Variants in DEXI observed in about 807,000 individuals in gnomAD.
DEXI encodes the protein dexamethasone-induced protein.
Under a neutral mutation model 2.5 loss-of-function variants are expected in DEXI, and 2 were observed. The ratio of observed to expected loss-of-function variants is 0.81; its 90% CI spans 0.33 to 2.55. The LOEUF (loss-of-function observed/expected upper bound fraction) is 2.55. DEXI is among the 30% of genes most tolerant of loss of function. The probability of loss-of-function intolerance (pLI) is 0.11; values close to 1 mark genes in which losing one functional copy is unlikely to be tolerated. For synonymous variants in DEXI, 71 were observed against 68.7 expected, an observed-to-expected ratio of 1.03 and a Z score of -0.17; for missense variants, 108 against 130.3, an observed-to-expected ratio of 0.83 and a Z score of 0.83.
chr16:10,931,427 T>C (rs2040788061), intron 1 of DEXI: 1 of 151,916 alleles, frequency 6.6e-6, no homozygotes, highest in Non-Finnish European at 1.5e-5. Flanking sequence ...TGCCCTCTTG[T>C]GTGCAGATCT....
At position 10,938,277 on chromosome 16, in the gene DEXI, C is replaced by T. The variant is rs1319908305; in HGVS notation, c.*149+3292G>A. 1 of 151,906 alleles carries T rather than the reference C, an allele frequency of 6.6e-6. No individual in the cohort carries two copies. 9.4% of individuals were successfully genotyped at this position (151,906 alleles called of 1,614,324 possible). ...CTACCCTGGGATGTGAACCCAGGGC[C>T]CTGGCTCTTAACCATGACCCTAATA... is the stretch of plus-strand genomic sequence containing the variant. On this transcript the variant is annotated intron_variant, in intron 1 of 1. Coordinates refer to ENST00000331808, the MANE Select transcript of DEXI (RefSeq NM_014015.4). This position sits in a 1 kb window ranked among gnomAD's most constrained non-coding sequence, Gnocchi z 4.9.
In DEXI at chr16:10,941,268, A is replaced by G. The variant is rs2041098790; in HGVS notation, c.*149+301T>C. On this transcript the variant is annotated intron_variant, in intron 1 of 1. Coordinates refer to ENST00000331808, the MANE Select transcript of DEXI (RefSeq NM_014015.4). This position sits in a 1 kb window ranked among gnomAD's most constrained non-coding sequence, Gnocchi z 6.4. ...GGAGGAGCTGACAGCTCTGCCTCAAATGGATTTGGGAGCGAAGGCTTTTTC... is the reference window on the plus strand; with the variant it reads ...GGAGGAGCTGACAGCTCTGCCTCAAGTGGATTTGGGAGCGAAGGCTTTTTC... 6.3e-6 allele frequency: 1 copy of G among 157,850 alleles called. No individual in the cohort carries two copies. Among genetic ancestry groups the G allele is most frequent in the Non-Finnish European group, 1.4e-5 (1 of 71,658 alleles). The allele number at this position is 157,850 out of a possible 1,614,324, so 9.8% of individuals were successfully genotyped here. A position where few individuals can be genotyped will look rare whatever the true frequency, so the allele number is the denominator to read the frequency against.
chr16:10,936,044 G>A (rs1216466814), intron 1 of DEXI: 2 of 151,160 alleles, frequency 1.3e-5, no homozygotes, highest in Non-Finnish European at 2.9e-5. Flanking sequence ...AGGCTGGAGT[G>A]CAGTGGTGGA....
In DEXI at chr16:10,938,168, A is replaced by G. The variant is rs923910094; in HGVS notation, c.*149+3401T>C. The G allele has an allele frequency of 6.6e-6, 1 of 152,178 alleles. No homozygotes were observed. The highest frequency in any genetic ancestry group is 6.5e-5 in the Admixed American group (1 of 15,292). The allele number at this position is 152,178 out of a possible 1,614,324, so 9.4% of individuals were successfully genotyped here. A position where few individuals can be genotyped will look rare whatever the true frequency, so the allele number is the denominator to read the frequency against. Reference sequence around the variant, plus strand: ...TATGTATATCTCACCTAATCCTCACAACAAGGGAGATTTTCATTATTTCCA... The same window carrying G: ...TATGTATATCTCACCTAATCCTCACGACAAGGGAGATTTTCATTATTTCCA... On this transcript the variant is annotated intron_variant, in intron 1 of 1. Transcript: ENST00000331808. This position sits in a 1 kb window ranked among gnomAD's most constrained non-coding sequence, Gnocchi z 4.9.
Position 10,941,459 on chromosome 16 carries a change from G to T in DEXI, c.*149+110C>A. 1 of 1,124,992 alleles carries T rather than the reference G, an allele frequency of 8.9e-7. No individual in the cohort carries two copies. Among genetic ancestry groups the T allele is most frequent in the Non-Finnish European group, 1.2e-6 (1 of 865,254 alleles). The allele number at this position is 1,124,992 out of a possible 1,614,324, so 69.7% of individuals were successfully genotyped here. A position where few individuals can be genotyped will look rare whatever the true frequency, so the allele number is the denominator to read the frequency against. On this transcript the variant is annotated intron_variant, in intron 1 of 1. Transcript: ENST00000331808. The surrounding 1 kb of genome is among the most constrained non-coding windows in gnomAD (Gnocchi z 6.4). The stretch of plus-strand genomic sequence containing the variant: ...TGGCATCCAGTTAGACCTGGAGGAG[G>T]TGAACGGAGGAGAAGCCTGAGGGAG...
At chr16:10,935,803 G>T (rs895900848) in intron 1 of DEXI, 1 of 152,134 alleles carries the variant, frequency 6.6e-6, no homozygotes, top group Non-Finnish European at 1.5e-5. Flanking sequence ...AACCCAAATT[G>T]AGAGACAGTT....
rs1264051344 is a variant in DEXI, at chr16:10,934,148, A to C, written c.*150-4589T>G. The C allele has an allele frequency of 6.6e-6, 1 of 152,262 alleles. No individual in the cohort carries two copies. Among genetic ancestry groups the C allele is most frequent in the Admixed American group, 6.5e-5 (1 of 15,286 alleles). 9.4% of individuals were successfully genotyped at this position (152,262 alleles called of 1,614,324 possible). Reference sequence around the variant, plus strand: ...ACGTGCCTCCAGCTGGTCACGCCCAAGACTCCCTGAGCCCTCTGGAAGGGC... The same window carrying C: ...ACGTGCCTCCAGCTGGTCACGCCCACGACTCCCTGAGCCCTCTGGAAGGGC... On this transcript the variant is annotated intron_variant, in intron 1 of 1. Coordinates refer to ENST00000331808, the MANE Select transcript of DEXI (RefSeq NM_014015.4). The surrounding 1 kb of genome is among the most constrained non-coding windows in gnomAD (Gnocchi z 4.2).
In DEXI at chr16:10,929,633, C is replaced by T; in HGVS notation, c.*150-74G>A. The T allele has an allele frequency of 4.4e-6, 4 of 917,738 alleles. No homozygotes were observed. The highest frequency in any genetic ancestry group is 5.2e-6 in the Non-Finnish European group (4 of 768,138). 56.8% of individuals were successfully genotyped at this position (917,738 alleles called of 1,614,324 possible). A position where few individuals can be genotyped will look rare whatever the true frequency, so the allele number is the denominator to read the frequency against. On this transcript the variant is annotated intron_variant, in intron 1 of 1. Transcript: ENST00000331808. The surrounding 1 kb of genome is among the most constrained non-coding windows in gnomAD (Gnocchi z 4.3). ...CCACCAGGTTGGCTGGGGACAGGGACCAATCCACCAGGCTCGGGAGGCTTG... is the reference window on the plus strand; with the variant it reads ...CCACCAGGTTGGCTGGGGACAGGGATCAATCCACCAGGCTCGGGAGGCTTG...
intron 1 of DEXI, chr16:10,930,068 A>T (rs1439035605): frequency 1.3e-5 from 2 of 152,342 alleles, no homozygotes; most frequent in Non-Finnish European, 2.9e-5. Flanking sequence ...AGGATGCAGC[A>T]TCATCTCCAT....
At chr16:10,936,385 TA>T (rs892750528) in intron 1 of DEXI, 1 of 152,188 alleles carries the variant, frequency 6.6e-6, no homozygotes, top group Non-Finnish European at 1.5e-5. Flanking sequence ...CTGAATTATT[TA>T]GGAGTAAAGG....
Position 10,929,477 on chromosome 16 carries a change from C to T in DEXI, c.*232G>A. 1 of 985,782 alleles carries T rather than the reference C, an allele frequency of 1.0e-6. No homozygotes were observed. The allele number at this position is 985,782 out of a possible 1,614,324, so 61.1% of individuals were successfully genotyped here. ...GGAGCAGGTGCCTTCCCAACCTCAG[C>T]ACTCAGTCCCAATCTCTCTTCCACT... On this transcript the variant is annotated 3_prime_UTR_variant, in exon 2 of 2. Coordinates refer to ENST00000331808, the MANE Select transcript of DEXI (RefSeq NM_014015.4). This position sits in a 1 kb window ranked among gnomAD's most constrained non-coding sequence, Gnocchi z 4.3.
At position 10,941,681 on chromosome 16, in the gene DEXI, G is replaced by T; in HGVS notation, c.*37C>A. On this transcript the variant is annotated 3_prime_UTR_variant, in exon 1 of 2. Transcript: ENST00000331808. This position sits in a 1 kb window ranked among gnomAD's most constrained non-coding sequence, Gnocchi z 6.4. ...GCGGCTGGTCCAGGGCATGGGTTGC[G>T]GATCGTGTAGGGAAGAGGGGAACAG... The T allele has an allele frequency of 6.4e-7, 1 of 1,568,750 alleles. No individual in the cohort carries two copies. The highest frequency in any genetic ancestry group is 8.7e-7 in the Non-Finnish European group (1 of 1,154,656).
chr16:10,942,080 G>A lies in DEXI; in HGVS notation c.-75C>T. The A allele has an allele frequency of 8.0e-7, 1 of 1,254,992 alleles. No homozygotes were observed. The highest frequency in any genetic ancestry group is 1.0e-6 in the Non-Finnish European group (1 of 976,732). The allele number at this position is 1,254,992 out of a possible 1,614,324, so 77.7% of individuals were successfully genotyped here. The stretch of plus-strand genomic sequence containing the variant: ...CTGCGGCGCCCGGGCGGCCGGCGAG[G>A]GCACAGCGCAGCCATCCAGGGGTAC... On this transcript the variant is annotated 5_prime_UTR_variant, in exon 1 of 2. Transcript: ENST00000331808. This position sits in a 1 kb window ranked among gnomAD's most constrained non-coding sequence, Gnocchi z 5.0.
Position 10,929,200 on chromosome 16 carries a change from C to A in DEXI, c.*509G>T, listed in dbSNP as rs1049447259. On this transcript the variant is annotated 3_prime_UTR_variant, in exon 2 of 2. Coordinates refer to ENST00000331808, the MANE Select transcript of DEXI (RefSeq NM_014015.4). This position sits in a 1 kb window ranked among gnomAD's most constrained non-coding sequence, Gnocchi z 4.3. ...CAGCCTCGGGCTAAACCCAGCTGGCCTGAAGGCTCAACTCACATCAAACGG... is the reference window on the plus strand; with the variant it reads ...CAGCCTCGGGCTAAACCCAGCTGGCATGAAGGCTCAACTCACATCAAACGG... 8.1e-6 allele frequency: 8 copies of A among 985,654 alleles called. No homozygotes were observed. Among genetic ancestry groups the A allele is most frequent in the Admixed American group, 1.2e-4 (2 of 16,264 alleles). The allele number at this position is 985,654 out of a possible 1,614,324, so 61.1% of individuals were successfully genotyped here.
chr16:10,935,958 T>G (rs2041006361), intron 1 of DEXI: 1 of 151,794 alleles, frequency 6.6e-6, no homozygotes, highest in African/African-American at 2.4e-5. Flanking sequence ...AACTCTCCCC[T>G]TTTTATTGTT....
intron 1 of DEXI, chr16:10,933,892 G>T (rs1161651164): frequency 2.6e-5 from 4 of 152,230 alleles, no homozygotes; most frequent in South Asian, 2.1e-4. Flanking sequence ...TGGCAGGAGG[G>T]TCTCTACCTT....
intron 1 of DEXI, chr16:10,935,855 C>T (rs2041002238): frequency 6.6e-6 from 1 of 152,184 alleles, no homozygotes; most frequent in South Asian, 2.1e-4. Context: ...ATGTCAATGT[C>T]ACAAGAGAGA....
In DEXI at chr16:10,939,402, C is replaced by G. The variant is rs1449395877; in HGVS notation, c.*149+2167G>C. On this transcript the variant is annotated intron_variant, in intron 1 of 1. Transcript: ENST00000331808. This position sits in a 1 kb window ranked among gnomAD's most constrained non-coding sequence, Gnocchi z 4.9. ...AGAACCTTCCAATGGCTTTCCACTG[C>G]TCTTGGCTATGGCCTTCCAGGTCCT... 6.6e-6 allele frequency: 1 copy of G among 152,286 alleles called. No individual in the cohort carries two copies. Among genetic ancestry groups the G allele is most frequent in the Non-Finnish European group, 1.5e-5 (1 of 68,104 alleles). 9.4% of individuals were successfully genotyped at this position (152,286 alleles called of 1,614,324 possible).
intron 1 of DEXI, chr16:10,935,241 G>A (rs2145400979): frequency 6.6e-6 from 1 of 152,380 alleles, no homozygotes; most frequent in South Asian, 2.1e-4. Flanking sequence ...GTGACCCTAA[G>A]TAACAAGGAA....
Sources: gnomAD v4.1 joint callset for allele counts on GRCh38, gnomAD v4.1.1 for gene constraint, Gnocchi (gnomAD v3.1) non-coding constraint, MANE v1.5 for transcripts, NCBI Gene and HGNC (gene_info 2026-07-23, HGNC 2026-07-21) for gene names.